Variants in SDCCAG8 observed in about 807,000 individuals in gnomAD.
SDCCAG8 encodes SHH signaling and ciliogenesis regulator SDCCAG8.
Under a neutral mutation model 101.8 loss-of-function variants are expected in SDCCAG8, and 74 were observed. The ratio of observed to expected loss-of-function variants is 0.73; its 90% CI spans 0.60 to 0.88. The LOEUF is 0.88. Ranked by LOEUF, SDCCAG8 falls within the 40% of genes least tolerant of loss-of-function variation. SDCCAG8 has a pLI of 0.00. For missense variants in SDCCAG8, 787 were observed against 822.6 expected (o/e 0.96, Z 0.53); for synonymous variants, 281 against 292.9 (o/e 0.96, Z 0.41).
At chr1:243,485,571 G>A (rs1664616146) in intron 16 of SDCCAG8, among the ~76,000 whole-genome samples, 1 of 152,162 alleles carries the variant, frequency 6.6e-6, no homozygotes, top group South Asian at 2.1e-4. Context: ...GGGTAGGCTG[G>A]TTTGTGCAGG....
chr1:243,366,712 T>A (rs1040741952), intron 12 of SDCCAG8, among the ~76,000 whole-genome samples: 13 of 152,192 alleles, frequency 8.5e-5, no homozygotes, highest in African/African-American at 2.9e-4. Flanking sequence ...TCATTGGACT[T>A]GCACTTGTTT....
At chr1:243,316,455 C>T (rs754154674) in intron 8 of SDCCAG8, among the ~76,000 whole-genome samples, 6 of 152,182 alleles carry the variant, frequency 3.9e-5, no homozygotes, top group Non-Finnish European at 7.3e-5. Context: ...GCACCTCCCC[C>T]CACTTTTAAA....
rs2148013423 is a variant in SDCCAG8 at position 243,415,766 on chromosome 1, C to T, written c.1681C>T (p.Gln561Ter). The change falls in exon 14 of 18, where the codon CAG (glutamine) becomes TAG (stop). Residue 561 changes from glutamine (Q) to a stop codon, truncating the protein, a stop_gained. Transcript: ENST00000366541. LOFTEE classifies it high-confidence loss of function. ...KEAKAQALQA[Q>*]QREQELTQKI... ...AGCAAAGGCCCAAGCCCTTCAGGCC[C>T]AGCAAAGAGAGCAGGAGCTGACACA... The T allele has an allele frequency of 6.2e-7, 1 of 1,613,802 alleles. No homozygotes were observed. The highest frequency in any genetic ancestry group is 1.1e-5 in the South Asian group (1 of 91,076).
chr1:243,307,032 C>G (rs1254906310), intron 7 of SDCCAG8, among the ~76,000 whole-genome samples: 6 of 150,702 alleles, frequency 4.0e-5, no homozygotes, highest in Non-Finnish European at 5.9e-5. Context: ...CTTCAGTAGT[C>G]TCATTTTTCA....
chr1:243,320,923 T>C (rs1478213562), intron 9 of SDCCAG8, among the ~76,000 whole-genome samples: 2 of 152,224 alleles, frequency 1.3e-5, no homozygotes, highest in African/African-American at 2.4e-5. Context: ...TACATGGTAC[T>C]CCCTCTAGGA....
intron 3 of SDCCAG8, among the ~76,000 whole-genome samples, chr1:243,273,975 G>A (rs909468615): frequency 6.6e-6 from 1 of 152,196 alleles, no homozygotes. Flanking sequence ...AGAGAAGCAA[G>A]TATTTGTATT....
intron 16 of SDCCAG8, among the ~76,000 whole-genome samples, chr1:243,450,781 C>T (rs1422252576): frequency 6.6e-6 from 1 of 152,158 alleles, no homozygotes; most frequent in African/African-American, 2.4e-5. Flanking sequence ...GCCTCAGCCT[C>T]CCAAGTAGCT....
intron 10 of SDCCAG8, among the ~76,000 whole-genome samples, chr1:243,340,406 G>T (rs1476469745): frequency 6.6e-6 from 1 of 152,210 alleles, no homozygotes; most frequent in Non-Finnish European, 1.5e-5. Flanking sequence ...CGTGGGAAGG[G>T]TCACCTATTT....
chr1:243,381,502 T>C (rs1318520443), intron 13 of SDCCAG8, among the ~76,000 whole-genome samples: 5 of 152,014 alleles, frequency 3.3e-5, no homozygotes, highest in Admixed American at 1.3e-4. Flanking sequence ...GGATGGAGGA[T>C]CACTTGAACT....
At chr1:243,363,094 C>T (rs2076811753) in intron 12 of SDCCAG8, among the ~76,000 whole-genome samples, 1 of 152,170 alleles carries the variant, frequency 6.6e-6, no homozygotes, top group African/African-American at 2.4e-5. Context: ...TCGGTGGCAT[C>T]CTCATTAAAG....
intron 12 of SDCCAG8, among the ~76,000 whole-genome samples, chr1:243,370,261 G>C (rs2077212406): frequency 6.6e-6 from 1 of 151,830 alleles, no homozygotes; most frequent in African/African-American, 2.4e-5. Flanking sequence ...TACTCATTTA[G>C]AACACTGAAA....
chr1:243,268,099 C>T, intron 1 of SDCCAG8: 1 of 709,398 alleles, frequency 1.4e-6, no homozygotes, highest in Non-Finnish European at 2.6e-6. Flanking sequence ...TATAGTTCCT[C>T]ATTTTCTTTT....
At chr1:243,405,819 A>C (rs575411276) in intron 13 of SDCCAG8, among the ~76,000 whole-genome samples, 11 of 151,852 alleles carry the variant, frequency 7.2e-5, no homozygotes, top group African/African-American at 2.2e-4. Flanking sequence ...ATAAATTATA[A>C]TTCTTACTAT....
At chr1:243,300,762 A>T (rs1302534661) in intron 6 of SDCCAG8, among the ~76,000 whole-genome samples, 1 of 152,174 alleles carries the variant, frequency 6.6e-6, no homozygotes, top group African/African-American at 2.4e-5. Context: ...CTGAATTAGG[A>T]GTTCCTGCCT....
At chr1:243,414,192 A>G (rs1449900810) in intron 13 of SDCCAG8, among the ~76,000 whole-genome samples, 1 of 152,144 alleles carries the variant, frequency 6.6e-6, no homozygotes, top group African/African-American at 2.4e-5. Context: ...GAGGAAGGAG[A>G]GGGGAAGAAT....
intron 16 of SDCCAG8, among the ~76,000 whole-genome samples, chr1:243,464,055 T>A (rs1659663458): frequency 1.3e-5 from 2 of 152,048 alleles, no homozygotes. Context: ...ATTGTTAACA[T>A]GGTTGGATGA....
At position 243,366,229 on chromosome 1, in the gene SDCCAG8, A is replaced by G. The variant is rs529861461; in HGVS notation, c.1474-12492A>G. On this transcript the variant is annotated intron_variant, in intron 12 of 17. Transcript: ENST00000366541. ...GTTCATTTAAATTTATTTTATTTTT[A>G]TAGATAGTGAAAGCATCTGTATCTT... Among the ~76,000 whole-genome samples the G allele has an allele frequency of 5.3e-5, 8 of 152,090 alleles. No individual in the cohort carries two copies. In the South Asian group the frequency reaches 1.7e-3, roughly 32 times the overall value.
intron 16 of SDCCAG8, among the ~76,000 whole-genome samples, chr1:243,477,276 A>C (rs1574278434): frequency 1.3e-5 from 2 of 152,142 alleles, no homozygotes; most frequent in Non-Finnish European, 2.9e-5. Context: ...TGCAGCATAG[A>C]TACTACTCTG....
intron 16 of SDCCAG8, among the ~76,000 whole-genome samples, chr1:243,475,399 C>G (rs1002721278): frequency 9.9e-5 from 15 of 152,096 alleles, no homozygotes; most frequent in African/African-American, 3.4e-4. Context: ...GGGTGAGGGG[C>G]CACTGTGTAC....
Sources: gnomAD v4.1 joint callset for allele counts (sites outside exome capture counted in the v4.1 genomes callset) on GRCh38, gnomAD v4.1.1 for gene constraint, MANE v1.5 for transcripts, NCBI Gene and HGNC (gene_info 2026-07-23, HGNC 2026-07-21) for gene names.